Variants in ERBB4 observed in about 807,000 individuals in gnomAD.
The protein encoded by ERBB4 is receptor tyrosine-protein kinase erbB-4.
Under a neutral mutation model 158.0 loss-of-function variants are expected in ERBB4, and 42 were observed. The observed-to-expected ratio is 0.27, with a 90% confidence interval of 0.21 to 0.34. ERBB4 has a LOEUF of 0.34. Among genes scored for constraint, ERBB4 ranks in the 10% least tolerant of loss-of-function variants. ERBB4 has a pLI of 1.00. For synonymous variants in ERBB4, 583 were observed against 558.7 expected (o/e 1.04, Z -0.61); for missense variants, 1,333 against 1,624.1 (o/e 0.82, Z 3.08).
intron 25 of ERBB4, among the ~76,000 whole-genome samples, chr2:211,410,205 C>T (rs573353771): frequency 1.2e-4 from 19 of 152,256 alleles, no homozygotes; most frequent in African/African-American, 4.1e-4. Context: ...GGACTTTATA[C>T]GCAATGAATA....
chr2:211,809,049 A>T (rs113687664), intron 3 of ERBB4, among the ~76,000 whole-genome samples: 1 of 152,144 alleles, frequency 6.6e-6, no homozygotes, highest in African/African-American at 2.4e-5. Flanking sequence ...GGGTTTTCTA[A>T]ATGTACAGTC....
intron 1 of ERBB4, among the ~76,000 whole-genome samples, chr2:212,526,975 G>A (rs954570922): frequency 2.0e-5 from 3 of 151,908 alleles, no homozygotes. Flanking sequence ...CTTAGCCTGA[G>A]GGTAAAAGTC....
chr2:211,516,499 A>G (rs557173308), intron 20 of ERBB4, among the ~76,000 whole-genome samples: 56 of 151,504 alleles, frequency 3.7e-4, no homozygotes, highest in African/African-American at 1.3e-3. Context: ...ATGACTGTCT[A>G]ATTTTTATAA....
At chr2:212,091,200 TAAA>T (rs35873863) in intron 2 of ERBB4, among the ~76,000 whole-genome samples, 11 of 147,240 alleles carry the variant, frequency 7.5e-5, no homozygotes, top group Admixed American at 6.7e-5. Context: ...AGGAGACAGG[TAAA>T]AAAAAAAAAA....
At chr2:211,735,291 T>A (rs953651104) in intron 5 of ERBB4, among the ~76,000 whole-genome samples, 1 of 152,152 alleles carries the variant, frequency 6.6e-6, no homozygotes, top group Admixed American at 6.5e-5. Flanking sequence ...GTGTTACAGA[T>A]GAAGAAGTTA....
intron 1 of ERBB4, among the ~76,000 whole-genome samples, chr2:212,142,077 G>T (rs549972142): frequency 6.6e-6 from 1 of 152,200 alleles, no homozygotes; most frequent in South Asian, 2.1e-4. Context: ...ACTTGTCTTT[G>T]AACACTGCTA....
intron 12 of ERBB4, among the ~76,000 whole-genome samples, chr2:211,701,663 G>A (rs1406340466): frequency 6.6e-6 from 1 of 150,688 alleles, no homozygotes; most frequent in African/African-American, 2.4e-5. Context: ...GGCTGAGGCA[G>A]GAGAATGGCG....
chr2:212,512,571 T>C (rs552292637), intron 1 of ERBB4, among the ~76,000 whole-genome samples: 2 of 152,256 alleles, frequency 1.3e-5, no homozygotes, highest in African/African-American at 4.8e-5. Context: ...GCCCAATACC[T>C]TTCTGAGAAG....
intron 2 of ERBB4, among the ~76,000 whole-genome samples, chr2:212,088,798 A>T (rs1435917223): frequency 3.3e-5 from 5 of 152,152 alleles, no homozygotes; most frequent in Non-Finnish European, 4.4e-5. Context: ...AAATTAAAAA[A>T]TTACAAATAC....
intron 5 of ERBB4, among the ~76,000 whole-genome samples, chr2:211,747,289 T>C (rs2075004919): frequency 1.3e-5 from 2 of 152,168 alleles, no homozygotes; most frequent in Non-Finnish European, 2.9e-5. Flanking sequence ...GGCTTTCCTG[T>C]GCATTGCAGG....
chr2:211,928,456 C>T (rs1187842550), intron 3 of ERBB4, among the ~76,000 whole-genome samples: 1 of 152,144 alleles, frequency 6.6e-6, no homozygotes, highest in Non-Finnish European at 1.5e-5. Flanking sequence ...CTGGGGGCTA[C>T]CCCTGGTAAG....
At chr2:212,130,800 A>G (rs1048607186) in intron 1 of ERBB4, among the ~76,000 whole-genome samples, 5 of 152,306 alleles carry the variant, frequency 3.3e-5, no homozygotes, top group African/African-American at 1.2e-4. Context: ...AGGGGCTTGT[A>G]TAGTTTTACA....
At chr2:211,564,970 A>T (rs2067506013) in intron 19 of ERBB4, among the ~76,000 whole-genome samples, 1 of 152,182 alleles carries the variant, frequency 6.6e-6, no homozygotes, top group Non-Finnish European at 1.5e-5. Context: ...AAGCTAAAGT[A>T]AAAAAGAAGA....
chr2:211,437,043 C>T (rs1206842956), intron 20 of ERBB4, among the ~76,000 whole-genome samples: 2 of 152,258 alleles, frequency 1.3e-5, no homozygotes, highest in East Asian at 3.9e-4. Flanking sequence ...ACTTATTACA[C>T]ACCATGGAGG....
chr2:212,476,150 C>G (rs1461859753), intron 1 of ERBB4, among the ~76,000 whole-genome samples: 1 of 136,252 alleles, frequency 7.3e-6, no homozygotes, highest in African/African-American at 3.1e-5. Context: ...CTCTCTCTCT[C>G]TGTCACACAC....
At chr2:212,400,142 T>C (rs2106460580) in intron 1 of ERBB4, among the ~76,000 whole-genome samples, 1 of 152,270 alleles carries the variant, frequency 6.6e-6, no homozygotes, top group East Asian at 1.9e-4. Context: ...CCTCAGTCTG[T>C]GCCAGAGTTT....
chr2:211,693,454 A>G (rs1054486988), intron 12 of ERBB4, among the ~76,000 whole-genome samples: 2 of 152,198 alleles, frequency 1.3e-5, no homozygotes, highest in Admixed American at 6.5e-5. Context: ...TCCCAAACCT[A>G]TATTATTAAA....
chr2:212,460,404 C>T (rs573355763), intron 1 of ERBB4, among the ~76,000 whole-genome samples: 5 of 152,236 alleles, frequency 3.3e-5, no homozygotes, highest in African/African-American at 4.8e-5. Context: ...TTTGGAACTT[C>T]GTAGAGACTT....
At position 212,446,591 on chromosome 2, in the gene ERBB4, GTATATATATATATATATATATATATATA is replaced by G. The variant is rs71057412; in HGVS notation, c.82+91830_82+91857del. On this transcript the variant is annotated intron_variant, in intron 1 of 27. Transcript: ENST00000342788. The stretch of plus-strand genomic sequence containing the variant: ...TTAATAAACTCCCATATATATATAT[GTATATATATATATATATATATATATATA>G]TATATATATATATATATATCCTATT... 4.4e-4 allele frequency among the ~76,000 whole-genome samples: 12 copies of G among 27,516 alleles called. 1 individual carries two copies. Among genetic ancestry groups the G allele is most frequent in the South Asian group, 4.2e-3 (3 of 712 alleles). The allele number at this position is 27,516 out of a possible 152,430, so 18.1% of individuals were successfully genotyped here. A position where few individuals can be genotyped will look rare whatever the true frequency, so the allele number is the denominator to read the frequency against.
Sources: gnomAD v4.1 joint callset for allele counts (sites outside exome capture counted in the v4.1 genomes callset) on GRCh38, gnomAD v4.1.1 for gene constraint, MANE v1.5 for transcripts, NCBI Gene and HGNC (gene_info 2026-07-23, HGNC 2026-07-21) for gene names.